CFLAR: variants seen among roughly 807,000 people sequenced by gnomAD.
The protein encoded by CFLAR is CASP8 and FADD-like apoptosis regulator.
A neutral mutation model predicts 51.1 loss-of-function variants in CFLAR; 14 were observed. The ratio of observed to expected loss-of-function variants is 0.27; its 90% confidence interval spans 0.18 to 0.43. The LOEUF (loss-of-function observed/expected upper bound fraction) is 0.43, where lower values mean the gene tolerates loss of function less well. CFLAR is among the 20% of genes least tolerant of loss of function. The probability of loss-of-function intolerance (pLI) is 1.00; values close to 1 mark genes in which losing one functional copy is unlikely to be tolerated. For synonymous variants in CFLAR, 210 were observed against 211.6 expected, an observed-to-expected ratio of 0.99 and a Z score of 0.06; for missense variants, 390 against 566.5, an observed-to-expected ratio of 0.69 and a Z score of 3.16.
rs117293613 is a variant in CFLAR, at chr2:201,121,883, A to C, written c.-138+5402A>C. On this transcript the variant is annotated intron_variant, in intron 1 of 9. Coordinates refer to ENST00000309955, the MANE Select transcript of CFLAR (RefSeq NM_003879.7). ...AATAGATGGGGTTGTTTCTTGAGCC[A>C]CTTTTTATTCCTTTGATCAAAACCT... Among the ~76,000 whole-genome samples, 1,109 of 152,332 alleles carry C rather than the reference A, an allele frequency of 7.3e-3. 46 individuals are homozygous for C. Among genetic ancestry groups the C allele is most frequent in the Admixed American group, 0.065 (993 of 15,304 alleles).
intron 9 of CFLAR, among the ~76,000 whole-genome samples, chr2:201,161,280 AG>A (rs1238200579): frequency 6.6e-6 from 1 of 152,156 alleles, no homozygotes; most frequent in Non-Finnish European, 1.5e-5. Flanking sequence ...CTAAGGTAGG[AG>A]GATTGCTTGA....
At chr2:201,136,814 C>A in intron 4 of CFLAR, 1 of 280,346 alleles carries the variant, frequency 3.6e-6, no homozygotes. Flanking sequence ...TTGAGACCTG[C>A]TTGATTTATT....
At position 201,173,526 on chromosome 2, in the gene CFLAR, A is replaced by G. The variant is rs12693929; in HGVS notation, c.*9553A>G. On this transcript the variant is annotated 3_prime_UTR_variant, in exon 10 of 10. Coordinates refer to ENST00000309955, the MANE Select transcript of CFLAR (RefSeq NM_003879.7). ...CCAGCCAATTTTTGTATTTTTAGTA[A>G]AGACAGGGTTTCACCATGTTGGCCA... is the stretch of plus-strand genomic sequence containing the variant. The G allele has an allele frequency of 0.48, 72,169 of 151,446 alleles. 17,449 individuals carry two copies. The highest frequency in any genetic ancestry group is 0.51 in the Non-Finnish European group (34,901 of 67,864). 9.4% of individuals were successfully genotyped at this position (151,446 alleles called of 1,614,324 possible).
At position 201,138,386 on chromosome 2, in the gene CFLAR, G is replaced by C. The variant is rs1364105082; in HGVS notation, c.524-1971G>C. ...AGGGTAGTCTCGGTTCTTCAGCGCG[G>C]TGCAGGTGATAATGGCCACCAGCTC... On this transcript the variant is annotated intron_variant, in intron 4 of 9. Transcript: ENST00000309955. The surrounding 1 kb of genome is among the most constrained non-coding windows in gnomAD (Gnocchi z 4.0). The C allele has an allele frequency of 1.3e-6, 1 of 775,960 alleles. No homozygotes were observed. Among genetic ancestry groups the C allele is most frequent in the Non-Finnish European group, 2.4e-6 (1 of 421,864 alleles). 48.1% of individuals were successfully genotyped at this position (775,960 alleles called of 1,614,324 possible).
chr2:201,161,549 G>T (rs1329841893), intron 9 of CFLAR, among the ~76,000 whole-genome samples: 1 of 151,486 alleles, frequency 6.6e-6, no homozygotes, highest in African/African-American at 2.4e-5. Context: ...AAGTAGCTGG[G>T]ATTACAGGCA....
In CFLAR at chr2:201,140,405, A is replaced by G. The variant is rs768478784; in HGVS notation, c.572A>G (p.Gln191Arg). 1.2e-6 allele frequency: 2 copies of G among 1,610,636 alleles called. No individual in the cohort carries two copies. The highest frequency in any genetic ancestry group is 1.1e-5 in the South Asian group (1 of 90,294). The change falls in exon 5 of 10, where the codon CAA becomes CGA. Residue 191 changes from glutamine to arginine, a missense_variant. Transcript: ENST00000309955. ...AGGAATGTTCTCCAAGCAGCAATCC[A>G]AAAGAGTCTCAAGGATCCTTCAAAT... The part of the protein sequence containing the change: ...SYRNVLQAAI[Q>R]KSLKDPSNNF...
rs74182334 is a variant in CFLAR, at chr2:201,161,416, A to T, written c.1304+474A>T. ...ACAAATAACAAATTTATTTATTTTT[A>T]TTTATTTTTTTTTTTGAGATGGAGT... On this transcript the variant is annotated intron_variant, in intron 9 of 9. Transcript: ENST00000309955. Among the ~76,000 whole-genome samples, 511 of 65,906 alleles carry T rather than the reference A, an allele frequency of 7.8e-3. 5 individuals carry two copies. Among genetic ancestry groups the T allele is most frequent in the Non-Finnish European group, 8.4e-3 (187 of 22,206 alleles). The allele number at this position is 65,906 out of a possible 152,430, so 43.2% of individuals were successfully genotyped here. A position where few individuals can be genotyped will look rare whatever the true frequency, so the allele number is the denominator to read the frequency against.
chr2:201,137,157 G>A (rs1462891937), intron 4 of CFLAR: 1 of 190,024 alleles, frequency 5.3e-6, no homozygotes, highest in African/African-American at 2.4e-5. Flanking sequence ...GGGGGGCTGG[G>A]GACAGGGAGG....
At chr2:201,137,060 T>G (rs867377833) in intron 4 of CFLAR, 4 of 176,792 alleles carry the variant, frequency 2.3e-5, no homozygotes, top group Admixed American at 2.2e-4. Context: ...CCCCTTGGCC[T>G]AGGTCTGGAG....
At position 201,149,777 on chromosome 2, in the gene CFLAR, G is replaced by A; in HGVS notation, c.735G>A (p.Lys245=). ...LPQSIPEERY[K]MKSKPLGICL... ...AGAGCATACCTGAAGAGAGATACAA[G>A]ATGAAGAGCAAGCCCCTAGGAATCT... Residue 245 remains lysine (K), a synonymous_variant, in exon 8 of 10, where the codon AAG becomes AAA. Coordinates refer to ENST00000309955, the MANE Select transcript of CFLAR (RefSeq NM_003879.7). The A allele has an allele frequency of 6.2e-7, 1 of 1,613,564 alleles. No homozygotes were observed. Among genetic ancestry groups the A allele is most frequent in the Non-Finnish European group, 8.5e-7 (1 of 1,179,572 alleles).
chr2:201,140,308 GATA>G (rs1227075932), intron 4 of CFLAR, 46 bp from the exon 5 acceptor site: 4 of 1,583,442 alleles, frequency 2.5e-6, no homozygotes, highest in Non-Finnish European at 3.5e-6. Context: ...AGATTTATTT[GATA>G]ATAATTTGTA....
intron 2 of CFLAR, among the ~76,000 whole-genome samples, chr2:201,131,691 TTTTG>T (rs1467672304): frequency 6.6e-6 from 1 of 151,986 alleles, no homozygotes; most frequent in Non-Finnish European, 1.5e-5. Flanking sequence ...TTTTTTTGGT[TTTTG>T]TTTTTTTGTT....
chr2:201,161,273 A>T (rs1942959270), intron 9 of CFLAR, among the ~76,000 whole-genome samples: 2 of 152,174 alleles, frequency 1.3e-5, no homozygotes, highest in Admixed American at 1.3e-4. Context: ...TGGGAGGCTA[A>T]GGTAGGAGGA....
At chr2:201,149,639 T>C (rs1940911775) in intron 7 of CFLAR, 115 bp from the exon 8 acceptor site, 1 of 720,292 alleles carries the variant, frequency 1.4e-6, no homozygotes, top group Admixed American at 2.4e-5. Flanking sequence ...AGGCTGTGTC[T>C]GTTGAGTGAC....
Position 201,164,359 on chromosome 2 carries a change from C to T in CFLAR, c.*386C>T, listed in dbSNP as rs965922717. The T allele has an allele frequency of 6.5e-6, 1 of 154,264 alleles. No individual in the cohort carries two copies. Among genetic ancestry groups the T allele is most frequent in the African/African-American group, 2.4e-5 (1 of 41,066 alleles). 9.6% of individuals were successfully genotyped at this position (154,264 alleles called of 1,614,324 possible). A position where few individuals can be genotyped will look rare whatever the true frequency, so the allele number is the denominator to read the frequency against. ...CTAGAGGGACAGAACTAATAGGATA[C>T]ATGTATATAAAAAGGGGAGTTTATT... On this transcript the variant is annotated 3_prime_UTR_variant, in exon 10 of 10. Coordinates refer to ENST00000309955, the MANE Select transcript of CFLAR (RefSeq NM_003879.7).
chr2:201,128,712 T>G (rs1009526447), intron 1 of CFLAR, among the ~76,000 whole-genome samples: 1 of 152,232 alleles, frequency 6.6e-6, no homozygotes, highest in Non-Finnish European at 1.5e-5. Context: ...TTTCCACTTA[T>G]TTTTTGTTAA....
chr2:201,152,540 C>T (rs889340788), intron 8 of CFLAR, among the ~76,000 whole-genome samples: 2 of 152,126 alleles, frequency 1.3e-5, no homozygotes, highest in East Asian at 1.9e-4. Context: ...TAGCCATAAA[C>T]CACCTAAGCA....
rs937079788 is a variant in CFLAR, at chr2:201,155,202, C to T, written c.794-5230C>T. ...ATGGGCTTTACGGCTTGGCCTAAAG[C>T]TCTGGTTGTTTTTAAGGCCCTTGAA... On this transcript the variant is annotated intron_variant, in intron 8 of 9. Transcript: ENST00000309955. Among the ~76,000 whole-genome samples the T allele has an allele frequency of 4.6e-5, 7 of 151,912 alleles. 1 individual carries two copies. The East Asian group carries it at 7.7e-4, about 17-fold the overall frequency.
At chr2:201,117,796 CCCA>C (rs1283486300) in intron 1 of CFLAR, among the ~76,000 whole-genome samples, 1 of 141,720 alleles carries the variant, frequency 7.1e-6, no homozygotes, top group Non-Finnish European at 1.5e-5. Flanking sequence ...ACTCTTGTTG[CCCA>C]GGCTGGAATG....
Sources: gnomAD v4.1 joint callset for allele counts (sites outside exome capture counted in the v4.1 genomes callset) on GRCh38, gnomAD v4.1.1 for gene constraint, Gnocchi (gnomAD v3.1) non-coding constraint, MANE v1.5 for transcripts, NCBI Gene and HGNC (gene_info 2026-07-23, HGNC 2026-07-21) for gene names.